Variants in TMTC2 observed in about 807,000 individuals in gnomAD.
TMTC2 encodes protein O-mannosyl-transferase TMTC2.
A neutral mutation model predicts 82.4 loss-of-function variants in TMTC2; 43 were observed. The observed-to-expected ratio is 0.52, with a 90% CI of 0.41 to 0.67. The LOEUF (loss-of-function observed/expected upper bound fraction) is 0.67. Ranked by LOEUF, TMTC2 falls within the 30% of genes least tolerant of loss-of-function variation. The pLI, the probability that TMTC2 is intolerant of heterozygous loss-of-function variation, is 0.00. For missense variants in TMTC2, 919 were observed against 1,012.4 expected (o/e 0.91, Z 1.25); for synonymous variants, 408 against 381.9 (o/e 1.07, Z -0.80).
At chr12:82,807,249 C>T (rs1200175269) in intron 1 of TMTC2, among the ~76,000 whole-genome samples, 2 of 152,178 alleles carry the variant, frequency 1.3e-5, no homozygotes, top group East Asian at 3.9e-4. Context: ...GATAGTTTTA[C>T]CCAGTGCATT....
chr12:82,703,866 T>C, intron 1 of TMTC2, among the ~76,000 whole-genome samples: 1 of 152,192 alleles, frequency 6.6e-6, no homozygotes, highest in Non-Finnish European at 1.5e-5. Flanking sequence ...CATCAAGACA[T>C]GTTAGAATGG....
chr12:82,727,333 C>T (rs939727232), intron 1 of TMTC2, among the ~76,000 whole-genome samples: 4 of 151,900 alleles, frequency 2.6e-5, no homozygotes, highest in Non-Finnish European at 5.9e-5. Context: ...TGTTGGGCTT[C>T]GGATTTTCAA....
At position 83,085,871 on chromosome 12, in the gene TMTC2, A is replaced by G. The variant is rs116276353; in HGVS notation, c.2331+24040A>G. ...GTAAAGGCAATAGTGGTATAGTTCT[A>G]TTATTTACTGCTGATTTTTAAATCT... On this transcript the variant is annotated intron_variant, in intron 11 of 11. Transcript: ENST00000321196. 5.3e-3 allele frequency among the ~76,000 whole-genome samples: 814 copies of G among 152,250 alleles called. 11 individuals carry two copies. Among genetic ancestry groups the G allele is most frequent in the African/African-American group, 0.019 (771 of 41,548 alleles).
chr12:82,899,445 T>A (rs1408217655), intron 3 of TMTC2, among the ~76,000 whole-genome samples: 3 of 151,298 alleles, frequency 2.0e-5, no homozygotes, highest in African/African-American at 7.3e-5. Context: ...CATCCAGAGC[T>A]TGGCCACTTT....
intron 3 of TMTC2, among the ~76,000 whole-genome samples, chr12:82,918,482 G>A (rs1004268320): frequency 6.6e-6 from 1 of 151,838 alleles, no homozygotes; most frequent in African/African-American, 2.4e-5. Context: ...TTTCATATAG[G>A]GACAAAGACA....
intron 4 of TMTC2, among the ~76,000 whole-genome samples, chr12:82,932,271 G>T (rs1426280931): frequency 6.6e-6 from 1 of 152,144 alleles, no homozygotes; most frequent in Non-Finnish European, 1.5e-5. Flanking sequence ...TTAACACTGG[G>T]ATCTCAATCT....
intron 1 of TMTC2, among the ~76,000 whole-genome samples, chr12:82,808,236 A>AT (rs1440056455): frequency 2.0e-5 from 3 of 151,900 alleles, no homozygotes; most frequent in African/African-American, 7.2e-5. Context: ...AACAACATGA[A>AT]TTTTTTTAAA....
At chr12:83,117,367 C>G (rs1884795385) in intron 11 of TMTC2, among the ~76,000 whole-genome samples, 1 of 152,174 alleles carries the variant, frequency 6.6e-6, no homozygotes, top group African/African-American at 2.4e-5. Context: ...TGCTAAAATC[C>G]TTAACAAAAT....
intron 1 of TMTC2, among the ~76,000 whole-genome samples, chr12:82,796,104 G>A (rs1353670005): frequency 2.0e-5 from 3 of 152,058 alleles, no homozygotes; most frequent in Admixed American, 1.3e-4. Flanking sequence ...GAGTATGAGC[G>A]GCCTCCCATG....
chr12:83,099,526 A>C (rs2137531237), intron 11 of TMTC2, among the ~76,000 whole-genome samples: 1 of 152,186 alleles, frequency 6.6e-6, no homozygotes. Flanking sequence ...TTTTTCCAGG[A>C]TTAGGAAGGA....
chr12:82,714,381 T>C (rs1873797612), intron 1 of TMTC2, among the ~76,000 whole-genome samples: 1 of 152,254 alleles, frequency 6.6e-6, no homozygotes, highest in Non-Finnish European at 1.5e-5. Flanking sequence ...TTTTAGGTGT[T>C]TTCAGTGGAT....
intron 1 of TMTC2, among the ~76,000 whole-genome samples, chr12:82,745,459 T>G (rs1875641505): frequency 6.6e-6 from 1 of 152,214 alleles, no homozygotes; most frequent in Non-Finnish European, 1.5e-5. Context: ...GTGTCCTAAG[T>G]GAAGTTTTGT....
intron 1 of TMTC2, among the ~76,000 whole-genome samples, chr12:82,760,700 A>C (rs1345668364): frequency 6.6e-6 from 1 of 152,010 alleles, no homozygotes; most frequent in Non-Finnish European, 1.5e-5. Context: ...ACAGCCACTC[A>C]CCATTGCTGG....
chr12:82,750,990 C>T (rs1213027954), intron 1 of TMTC2, among the ~76,000 whole-genome samples: 2 of 152,152 alleles, frequency 1.3e-5, no homozygotes, highest in Non-Finnish European at 2.9e-5. Flanking sequence ...ACTTCAGAGC[C>T]TGCAACCTTT....
At chr12:82,927,907 A>T (rs1875816754) in intron 3 of TMTC2, among the ~76,000 whole-genome samples, 1 of 152,200 alleles carries the variant, frequency 6.6e-6, no homozygotes, top group Non-Finnish European at 1.5e-5. Context: ...TATTGTGTAA[A>T]TATAACTTTT....
At chr12:82,809,521 C>G (rs1265395804) in intron 1 of TMTC2, among the ~76,000 whole-genome samples, 2 of 152,048 alleles carry the variant, frequency 1.3e-5, no homozygotes, top group African/African-American at 4.8e-5. Context: ...AGATTGCACA[C>G]CAGAATTTTA....
Position 82,985,977 on chromosome 12 carries a change from G to A in TMTC2, c.2001G>A (p.Met667Ile), listed in dbSNP as rs1879138477. 6.2e-7 allele frequency: 1 copy of A among 1,614,030 alleles called. No homozygotes were observed. The highest frequency in any genetic ancestry group is 1.3e-5 in the African/African-American group (1 of 75,040). ...SKLPEAEHWY[M>I]ESLRSKTDHI... Reference sequence around the variant, plus strand: ...TCCCCGAAGCAGAGCATTGGTATATGGAATCACTGAGATCCAAGACTGACC... The same window carrying A: ...TCCCCGAAGCAGAGCATTGGTATATAGAATCACTGAGATCCAAGACTGACC... Residue 667 changes from methionine to isoleucine, a missense_variant, in exon 8 of 12, where the codon ATG becomes ATA. By Grantham distance (10) the Met-to-Ile change is conservative (BLOSUM62 1). Coordinates refer to ENST00000321196, the MANE Select transcript of TMTC2 (RefSeq NM_152588.3).
intron 4 of TMTC2, among the ~76,000 whole-genome samples, chr12:82,957,181 A>G (rs1002182200): frequency 6.6e-6 from 1 of 152,102 alleles, no homozygotes; most frequent in African/African-American, 2.4e-5. Flanking sequence ...CATACCACCC[A>G]CACTCTTGGA....
intron 1 of TMTC2, among the ~76,000 whole-genome samples, chr12:82,697,368 A>G (rs1872863241): frequency 6.6e-6 from 1 of 151,752 alleles, no homozygotes; most frequent in African/African-American, 2.4e-5. Flanking sequence ...AAAAAAAACA[A>G]TGCAGGTTTT....
Sources: gnomAD v4.1 joint callset for allele counts (sites outside exome capture counted in the v4.1 genomes callset) on GRCh38, gnomAD v4.1.1 for gene constraint, MANE v1.5 for transcripts, NCBI Gene and HGNC (gene_info 2026-07-23, HGNC 2026-07-21) for gene names.